Variants in CSMD1 observed in about 807,000 individuals in gnomAD.
CSMD1 encodes CUB and Sushi multiple domains 1, also known as CUB and sushi domain-containing protein 1.
CSMD1 carries 213 observed loss-of-function variants against 417.5 expected under a neutral mutation model. The observed-to-expected ratio is 0.51, with a 90% CI of 0.46 to 0.57. The LOEUF is 0.57. Among genes scored for constraint, CSMD1 ranks in the 20% least tolerant of loss-of-function variants. The pLI is 0.00. For missense variants in CSMD1, 6,923 were observed against 4,529.7 expected, an observed-to-expected ratio of 1.53 and a Z score of -15.17; for synonymous variants, 2,862 against 1,736.8, an observed-to-expected ratio of 1.65 and a Z score of -16.11.
intron 3 of CSMD1, among the ~76,000 whole-genome samples, chr8:4,414,609 A>G (rs1796826486): frequency 6.6e-6 from 1 of 152,040 alleles, no homozygotes; most frequent in Non-Finnish European, 1.5e-5. Flanking sequence ...TTTTTTTTAA[A>G]CTTCTGCATG....
chr8:3,649,241 C>A (rs1797726504), intron 7 of CSMD1, among the ~76,000 whole-genome samples: 2 of 152,166 alleles, frequency 1.3e-5, no homozygotes, highest in Non-Finnish European at 2.9e-5. Flanking sequence ...ATATATTCTT[C>A]TGTAACATAA....
At chr8:3,461,427 C>T (rs1274602164) in intron 12 of CSMD1, among the ~76,000 whole-genome samples, 1 of 152,192 alleles carries the variant, frequency 6.6e-6, no homozygotes, top group Non-Finnish European at 1.5e-5. Flanking sequence ...TGTCAGTCCC[C>T]AGAGGCTGGA....
intron 11 of CSMD1, among the ~76,000 whole-genome samples, chr8:3,486,349 G>A (rs941959812): frequency 6.6e-6 from 1 of 152,168 alleles, no homozygotes; most frequent in African/African-American, 2.4e-5. Context: ...CAGGGATGGT[G>A]CACTGTAAAT....
chr8:4,114,565 G>GCATAT (rs1554454290), intron 3 of CSMD1, among the ~76,000 whole-genome samples: 1 of 152,082 alleles, frequency 6.6e-6, no homozygotes, highest in Non-Finnish European at 1.5e-5. Context: ...CTTAATAAAT[G>GCATAT]CATAAGTCTA....
intron 1 of CSMD1, among the ~76,000 whole-genome samples, chr8:4,656,748 G>A (rs1804258525): frequency 6.6e-6 from 1 of 151,944 alleles, no homozygotes; most frequent in African/African-American, 2.4e-5. Flanking sequence ...GACACTAAAT[G>A]CCGCAGGAGG....
intron 10 of CSMD1, among the ~76,000 whole-genome samples, chr8:3,498,426 G>C (rs985112071): frequency 6.6e-6 from 1 of 152,178 alleles, no homozygotes; most frequent in Admixed American, 6.5e-5. Context: ...CACCAGGAGA[G>C]AAGGAAGAAT....
At chr8:4,069,492 G>T (rs1460434932) in intron 3 of CSMD1, among the ~76,000 whole-genome samples, 1 of 152,140 alleles carries the variant, frequency 6.6e-6, no homozygotes, top group Non-Finnish European at 1.5e-5. Context: ...AAGTAAATGT[G>T]CAGACAGCCT....
intron 41 of CSMD1, among the ~76,000 whole-genome samples, chr8:3,141,189 G>C (rs1818416864): frequency 6.6e-6 from 1 of 152,196 alleles, no homozygotes; most frequent in African/African-American, 2.4e-5. Context: ...GTGCAGGTGG[G>C]ATGGGAGTAC....
intron 3 of CSMD1, among the ~76,000 whole-genome samples, chr8:4,366,074 C>T (rs562596049): frequency 2.0e-5 from 3 of 152,202 alleles, no homozygotes; most frequent in East Asian, 1.9e-4. Context: ...ATCCATGAGC[C>T]TCTCCTACCC....
intron 4 of CSMD1, among the ~76,000 whole-genome samples, chr8:4,013,233 C>G (rs923961306): frequency 6.6e-6 from 1 of 152,122 alleles, no homozygotes; most frequent in African/African-American, 2.4e-5. Context: ...TTTCCCCTCT[C>G]CTATCCTCTG....
chr8:3,545,414 G>A (rs1457774589), intron 10 of CSMD1, among the ~76,000 whole-genome samples: 1 of 152,138 alleles, frequency 6.6e-6, no homozygotes. Flanking sequence ...ATGTCTGATG[G>A]TCCAAGGTGG....
chr8:4,385,747 T>A (rs1803405747), intron 3 of CSMD1, among the ~76,000 whole-genome samples: 1 of 152,216 alleles, frequency 6.6e-6, no homozygotes, highest in Non-Finnish European at 1.5e-5. Flanking sequence ...TATAAAAATC[T>A]AAAGAGGAAT....
At chr8:4,483,063 T>A (rs778362043) in intron 2 of CSMD1, among the ~76,000 whole-genome samples, 1 of 152,192 alleles carries the variant, frequency 6.6e-6, no homozygotes, top group Admixed American at 6.5e-5. Context: ...ACTCCCATAA[T>A]TCCCATGTGT....
chr8:4,290,939 C>A (rs1797326028), intron 3 of CSMD1, among the ~76,000 whole-genome samples: 2 of 152,140 alleles, frequency 1.3e-5, no homozygotes, highest in Admixed American at 1.3e-4. Context: ...TGCTTTAATT[C>A]ATTTCTTTCT....
intron 1 of CSMD1, among the ~76,000 whole-genome samples, chr8:4,841,911 C>CAAAAAAAACAAAAAAA (rs1554499166): frequency 2.9e-5 from 1 of 34,830 alleles, no homozygotes; most frequent in African/African-American, 1.8e-4. Context: ...AACTCCGTCT[C>CAAAAAAAACAAAAAAA]AAAAAAAAAA....
chr8:3,669,336 G>A (rs550798995), intron 7 of CSMD1, among the ~76,000 whole-genome samples: 2 of 152,156 alleles, frequency 1.3e-5, no homozygotes, highest in East Asian at 3.9e-4. Context: ...TCCTTCTCAG[G>A]CCCATGCTTC....
chr8:3,184,156 C>G (rs999002677), intron 36 of CSMD1, among the ~76,000 whole-genome samples: 4 of 152,138 alleles, frequency 2.6e-5, no homozygotes, highest in Admixed American at 1.3e-4. Flanking sequence ...TTTCTTGCTT[C>G]AAGAGGCTCT....
intron 6 of CSMD1, among the ~76,000 whole-genome samples, chr8:3,728,869 G>A (rs980856787): frequency 6.6e-6 from 1 of 152,176 alleles, no homozygotes; most frequent in Non-Finnish European, 1.5e-5. Flanking sequence ...CATGGACTAA[G>A]GCAGGGATAC....
chr8:3,298,752 C>A (rs1366192567), intron 25 of CSMD1, among the ~76,000 whole-genome samples: 1 of 152,226 alleles, frequency 6.6e-6, no homozygotes, highest in Non-Finnish European at 1.5e-5. Flanking sequence ...TCGTGCCCGA[C>A]AATTATCTTT....
Sources: gnomAD v4.1 joint callset for allele counts (sites outside exome capture counted in the v4.1 genomes callset) on GRCh38, gnomAD v4.1.1 for gene constraint, MANE v1.5 for transcripts, NCBI Gene and HGNC (gene_info 2026-07-23, HGNC 2026-07-21) for gene names.